EPB41L5: variants seen among roughly 807,000 people sequenced by gnomAD.
The protein encoded by EPB41L5 is band 4.1-like protein 5.
EPB41L5 carries 55 observed loss-of-function variants against 106.6 expected under a neutral mutation model. The ratio of observed to expected loss-of-function variants is 0.52; its 90% CI spans 0.42 to 0.65. The LOEUF (loss-of-function observed/expected upper bound fraction) is 0.65, where lower values mean the gene tolerates loss of function less well. Among genes scored for constraint, EPB41L5 ranks in the 30% least tolerant of loss-of-function variants. EPB41L5 has a pLI of 0.00. For missense variants in EPB41L5, 871 were observed against 882.1 expected, an observed-to-expected ratio of 0.99 and a Z score of 0.16; for synonymous variants, 297 against 306.7, an observed-to-expected ratio of 0.97 and a Z score of 0.33.
intron 17 of EPB41L5, among the ~76,000 whole-genome samples, chr2:120,129,509 A>G (rs1685606444): frequency 6.6e-6 from 1 of 152,316 alleles, no homozygotes; most frequent in Admixed American, 6.5e-5. Context: ...CTTTATAGAG[A>G]TGGCAGTATT....
chr2:120,110,564 A>G (rs1684677270), intron 16 of EPB41L5, among the ~76,000 whole-genome samples: 1 of 152,014 alleles, frequency 6.6e-6, no homozygotes, highest in East Asian at 1.9e-4. Flanking sequence ...ATTTTGAGGT[A>G]ATGTTCAGCT....
intron 17 of EPB41L5, among the ~76,000 whole-genome samples, chr2:120,130,688 A>G (rs1006048585): frequency 2.6e-5 from 4 of 152,340 alleles, no homozygotes; most frequent in African/African-American, 9.6e-5. Flanking sequence ...CCAGTGCCAG[A>G]ATCCTACCTG....
intron 24 of EPB41L5, among the ~76,000 whole-genome samples, chr2:120,169,636 C>T (rs776054626): frequency 7.9e-5 from 12 of 152,142 alleles, no homozygotes; most frequent in African/African-American, 1.4e-4. Flanking sequence ...CTCCTTCCTC[C>T]GCAACCTCAG....
At chr2:120,093,396 A>G in intron 14 of EPB41L5, 120 bp downstream of exon 14, 3 of 806,072 alleles carry the variant, frequency 3.7e-6, no homozygotes, top group East Asian at 2.4e-5. Flanking sequence ...CACCAGGGAT[A>G]TGTCAGGGAA....
Position 120,090,422 on chromosome 2 carries a change from G to T in EPB41L5, c.949G>T (p.Val317Leu). Residue 317 changes from valine (V) to leucine (L), a missense_variant, in exon 12 of 25, where the codon GTG (valine) becomes TTG (leucine). By Grantham distance (32) the Val-to-Leu change is conservative (BLOSUM62 1). Transcript: ENST00000263713. ...ATGCAAACATTTATGGAAATGTGCT[G>T]TGGAGCATCATGCTTTCTTCCGCCT... ...KACKHLWKCA[V>L]EHHAFFRLRG... The T allele has an allele frequency of 6.2e-7, 1 of 1,613,762 alleles. No homozygotes were observed. The highest frequency in any genetic ancestry group is 8.5e-7 in the Non-Finnish European group (1 of 1,179,764).
chr2:120,084,633 G>T (rs572264636), intron 10 of EPB41L5, among the ~76,000 whole-genome samples: 2 of 152,216 alleles, frequency 1.3e-5, no homozygotes, highest in African/African-American at 2.4e-5. Flanking sequence ...GAGTATCTTT[G>T]TGGTGTTCTC....
At chr2:120,146,521 C>T (rs1686411706) in intron 20 of EPB41L5, among the ~76,000 whole-genome samples, 1 of 152,180 alleles carries the variant, frequency 6.6e-6, no homozygotes, top group Non-Finnish European at 1.5e-5. Flanking sequence ...ACCAACAGAG[C>T]AGAAACCGTC....
intron 1 of EPB41L5, among the ~76,000 whole-genome samples, chr2:120,017,848 AGT>A (rs1169978896): frequency 1.3e-5 from 2 of 152,166 alleles, no homozygotes; most frequent in Non-Finnish European, 2.9e-5. Flanking sequence ...CCCGGGCTGG[AGT>A]GCAGTGAGGC....
chr2:120,076,142 A>G (rs921601161), intron 7 of EPB41L5, among the ~76,000 whole-genome samples: 1 of 152,192 alleles, frequency 6.6e-6, no homozygotes, highest in Non-Finnish European at 1.5e-5. Flanking sequence ...AGATGAGTAC[A>G]TACATGTTTG....
Position 120,127,820 on chromosome 2 carries a change from G to A in EPB41L5, c.1470G>A (p.Pro490=), listed in dbSNP as rs776721492. The A allele has an allele frequency of 1.8e-5, 29 of 1,611,188 alleles. No individual in the cohort carries two copies. The highest frequency in any genetic ancestry group is 4.0e-5 in the African/African-American group (3 of 74,896). Reference sequence around the variant, plus strand: ...ACGTTAATGTAGCCACCAGGCTTCCGGGATTAGGGGAACCTGAAGTTGAAT... The same window carrying A: ...ACGTTAATGTAGCCACCAGGCTTCCAGGATTAGGGGAACCTGAAGTTGAAT... The part of the protein sequence containing the change: ...LNDVNVATRL[P]GLGEPEVEYE... The change falls in exon 17 of 25, where the codon CCG becomes CCA. Residue 490 remains proline (P), a synonymous_variant. Coordinates refer to ENST00000263713, the MANE Select transcript of EPB41L5 (RefSeq NM_020909.4).
intron 20 of EPB41L5, among the ~76,000 whole-genome samples, chr2:120,152,559 G>A (rs538011875): frequency 3.9e-5 from 6 of 152,228 alleles, no homozygotes; most frequent in African/African-American, 1.4e-4. Context: ...TGGCTGGTTT[G>A]TAATTTTCTT....
chr2:120,058,947 A>C (rs1483046726), intron 3 of EPB41L5, among the ~76,000 whole-genome samples: 1 of 152,322 alleles, frequency 6.6e-6, no homozygotes, highest in African/African-American at 2.4e-5. Flanking sequence ...AGATATAGGT[A>C]AGATTATTCT....
At chr2:120,173,252 T>A (rs1238771859) in intron 24 of EPB41L5, among the ~76,000 whole-genome samples, 1 of 152,174 alleles carries the variant, frequency 6.6e-6, no homozygotes, top group East Asian at 1.9e-4. Context: ...GCTGAAAAGA[T>A]AAGAAGGCAG....
At chr2:120,065,534 A>T (rs1218943567) in intron 3 of EPB41L5, among the ~76,000 whole-genome samples, 5 of 133,640 alleles carry the variant, frequency 3.7e-5, no homozygotes, top group Admixed American at 8.0e-5. Context: ...TTTTTTTGAG[A>T]TGGAGTCTCG....
intron 4 of EPB41L5, 39 bp downstream of exon 4, chr2:120,073,259 A>G (rs1307995212): frequency 2.0e-6 from 3 of 1,480,610 alleles, no homozygotes; most frequent in Non-Finnish European, 2.8e-6. Context: ...GGGAAAGGAA[A>G]TAGAATATAT....
intron 18 of EPB41L5, among the ~76,000 whole-genome samples, chr2:120,136,314 C>G (rs1685921797): frequency 1.3e-5 from 2 of 150,260 alleles, no homozygotes; most frequent in Admixed American, 1.3e-4. Context: ...AGAAAAGCAC[C>G]CTTCACAAAA....
At chr2:120,038,502 A>G (rs917672575) in intron 2 of EPB41L5, among the ~76,000 whole-genome samples, 10 of 152,238 alleles carry the variant, frequency 6.6e-5, no homozygotes, top group Admixed American at 6.5e-4. Flanking sequence ...GGCTGGGTGC[A>G]GTGGCTCACT....
chr2:120,121,784 C>A (rs1413918244), intron 16 of EPB41L5, among the ~76,000 whole-genome samples: 2 of 152,212 alleles, frequency 1.3e-5, no homozygotes, highest in Non-Finnish European at 2.9e-5. Flanking sequence ...AGCTAATTTA[C>A]ACTCCTACCA....
intron 3 of EPB41L5, among the ~76,000 whole-genome samples, chr2:120,062,108 C>T (rs1352139940): frequency 1.3e-5 from 2 of 152,002 alleles, no homozygotes; most frequent in Non-Finnish European, 2.9e-5. Context: ...GTAGAAGTAC[C>T]AGCAAATGCA....
Sources: gnomAD v4.1 joint callset for allele counts (sites outside exome capture counted in the v4.1 genomes callset) on GRCh38, gnomAD v4.1.1 for gene constraint, MANE v1.5 for transcripts, NCBI Gene and HGNC (gene_info 2026-07-23, HGNC 2026-07-21) for gene names.